Variants in PCDH15 observed in about 807,000 individuals in gnomAD.
PCDH15 encodes the protein protocadherin related 15.
Under a neutral mutation model 178.5 loss-of-function variants are expected in PCDH15, and 129 were observed. That is an observed-to-expected ratio of 0.72 (90% confidence interval 0.63 to 0.84). The LOEUF is 0.84. PCDH15 is among the 40% of genes least tolerant of loss of function. PCDH15 has a pLI of 0.00. For synonymous variants in PCDH15, 800 were observed against 732.0 expected, an observed-to-expected ratio of 1.09 and a Z score of -1.50; for missense variants, 2,230 against 2,099.9, an observed-to-expected ratio of 1.06 and a Z score of -1.21.
intron 8 of PCDH15, among the ~76,000 whole-genome samples, chr10:54,268,413 A>G (rs1384723120): frequency 6.6e-6 from 1 of 151,986 alleles, no homozygotes; most frequent in Non-Finnish European, 1.5e-5. Flanking sequence ...ACAAAAAACA[A>G]AAATTGACAA....
intron 1 of PCDH15, among the ~76,000 whole-genome samples, chr10:54,701,554 A>G (rs1201351653): frequency 6.6e-6 from 1 of 152,108 alleles, no homozygotes; most frequent in East Asian, 1.9e-4. Context: ...TGTCTTCAAG[A>G]GAACTATTTC....
chr10:54,632,469 C>T (rs1447109461), intron 2 of PCDH15, among the ~76,000 whole-genome samples: 1 of 151,950 alleles, frequency 6.6e-6, no homozygotes, highest in Admixed American at 6.6e-5. Context: ...CTTCGATTGG[C>T]ATGATAAATG....
intron 3 of PCDH15, among the ~76,000 whole-genome samples, chr10:54,441,915 G>T (rs1293614809): frequency 6.6e-6 from 1 of 151,662 alleles, no homozygotes; most frequent in Admixed American, 6.6e-5. Context: ...GAGCAGAGAG[G>T]AGGTTCAAGA....
At chr10:54,203,796 A>G (rs1420326263) in intron 10 of PCDH15, among the ~76,000 whole-genome samples, 1 of 152,158 alleles carries the variant, frequency 6.6e-6, no homozygotes, top group African/African-American at 2.4e-5. Context: ...TGATCTTTAT[A>G]TGAGGATGAT....
At chr10:54,077,545 A>G (rs1437344405) in intron 17 of PCDH15, among the ~76,000 whole-genome samples, 1 of 151,778 alleles carries the variant, frequency 6.6e-6, no homozygotes, top group Non-Finnish European at 1.5e-5. Context: ...TTTTTTTCCT[A>G]TTTTATTGGT....
chr10:55,221,216 T>G (rs1048087422), intron 1 of PCDH15, among the ~76,000 whole-genome samples: 1 of 152,056 alleles, frequency 6.6e-6, no homozygotes, highest in Non-Finnish European at 1.5e-5. Flanking sequence ...AAAATTAGTC[T>G]ATGGTGACAG....
intron 1 of PCDH15, among the ~76,000 whole-genome samples, chr10:55,191,832 A>C (rs574111993): frequency 1.2e-3 from 175 of 151,876 alleles, no homozygotes; most frequent in African/African-American, 4.1e-3. Flanking sequence ...TTCCCAAACA[A>C]TTTTCATGAG....
At position 55,508,758 on chromosome 10, in the gene PCDH15, A is replaced by G. The variant is rs1456160128; in HGVS notation, c.-156+118867T>C. On this transcript the variant is annotated intron_variant, in intron 2 of 5. Coordinates refer to the PCDH15 transcript ENST00000613346. Reference sequence around the variant, plus strand: ...TCAAAAGAATATTAGGTACTGCACTATACTGTATACAGGGTAGTATAATAA... The same window carrying G: ...TCAAAAGAATATTAGGTACTGCACTGTACTGTATACAGGGTAGTATAATAA... Among the ~76,000 whole-genome samples the G allele has an allele frequency of 4.6e-5, 7 of 151,720 alleles. No individual in the cohort carries two copies. In the East Asian group the frequency reaches 1.4e-3, roughly 29 times the overall value.
At chr10:54,438,847 AAAT>A (rs1197047520) in intron 3 of PCDH15, among the ~76,000 whole-genome samples, 1 of 152,102 alleles carries the variant, frequency 6.6e-6, no homozygotes, top group Admixed American at 6.6e-5. Context: ...ACAAAAGAGA[AAAT>A]AATTGAAAGC....
At chr10:54,075,675 T>C (rs568269290) in intron 17 of PCDH15, among the ~76,000 whole-genome samples, 2 of 152,326 alleles carry the variant, frequency 1.3e-5, no homozygotes, top group South Asian at 4.1e-4. Flanking sequence ...AGTTTGTTTT[T>C]GCATATGATG....
chr10:53,943,660 A>G (rs1465250881), intron 23 of PCDH15, among the ~76,000 whole-genome samples: 1 of 152,154 alleles, frequency 6.6e-6, no homozygotes, highest in African/African-American at 2.4e-5. Flanking sequence ...TCCTATGCAT[A>G]CCACTAAAAG....
At chr10:53,991,143 C>G (rs1419890639) in intron 21 of PCDH15, among the ~76,000 whole-genome samples, 2 of 152,148 alleles carry the variant, frequency 1.3e-5, no homozygotes, top group Non-Finnish European at 2.9e-5. Flanking sequence ...AGGGTGCTGC[C>G]CCCTGCTCCA....
intron 2 of PCDH15, among the ~76,000 whole-genome samples, chr10:54,924,183 A>G (rs2131846585): frequency 7.3e-6 from 1 of 137,352 alleles, no homozygotes; most frequent in Non-Finnish European, 1.7e-5. Flanking sequence ...ACACACTTTC[A>G]AACAACCAGA....
chr10:53,816,274 G>C lies in PCDH15; in HGVS notation c.4456C>G (p.Gln1486Glu). The C allele has an allele frequency of 2.5e-6, 1 of 398,780 alleles. No homozygotes were observed. The highest frequency in any genetic ancestry group is 4.4e-6 in the Non-Finnish European group (1 of 225,956). 24.7% of individuals were successfully genotyped at this position (398,780 alleles called of 1,614,324 possible). ...AGAAGAGAGGGCCTCAGCAGTTGCT[G>C]TTGCTGTCAAAGGAAATTAAAATAG... is the stretch of plus-strand genomic sequence containing the variant. ...LTRRGYGSEQ[Q>E]QLLRPSLLKP... The change falls in exon 35 of 38, where the codon CAG becomes GAG. Residue 1486 changes from glutamine to glutamate, a missense_variant. Gln to Glu is a conservative substitution (Grantham distance 29, BLOSUM62 2). Transcript: ENST00000644397.
chr10:54,098,190 T>G (rs1235908595), intron 15 of PCDH15, among the ~76,000 whole-genome samples: 7 of 143,212 alleles, frequency 4.9e-5, no homozygotes, highest in East Asian at 2.1e-4. Context: ...GAAAATAAAG[T>G]TGTGTGTGTG....
chr10:54,195,927 A>T (rs2049578175), intron 10 of PCDH15, 38 bp from the exon 11 acceptor site: 5 of 1,569,392 alleles, frequency 3.2e-6, no homozygotes, highest in Non-Finnish European at 4.4e-6. Flanking sequence ...TAGAAAGTAT[A>T]TGTCGTGCTA....
At chr10:54,244,998 T>C (rs1038668826) in intron 8 of PCDH15, among the ~76,000 whole-genome samples, 1 of 152,204 alleles carries the variant, frequency 6.6e-6, no homozygotes, top group Non-Finnish European at 1.5e-5. Context: ...AGGAGACGAC[T>C]GTTTTTGTGA....
intron 26 of PCDH15, among the ~76,000 whole-genome samples, chr10:53,887,192 C>A (rs2133409774): frequency 6.6e-6 from 1 of 152,302 alleles, no homozygotes; most frequent in East Asian, 1.9e-4. Flanking sequence ...CTCTCAGCTA[C>A]TACCACCTGT....
At chr10:54,515,636 T>C (rs7074658) in intron 3 of PCDH15, among the ~76,000 whole-genome samples, 40,002 of 152,098 alleles carry the variant, frequency 0.26, 5,536 homozygotes, top group Admixed American at 0.36. Flanking sequence ...AGAGTAGTGG[T>C]TCTCCCAGCA....
Sources: gnomAD v4.1 joint callset for allele counts (sites outside exome capture counted in the v4.1 genomes callset) on GRCh38, gnomAD v4.1.1 for gene constraint, MANE v1.5 for transcripts, NCBI Gene and HGNC (gene_info 2026-07-23, HGNC 2026-07-21) for gene names.